Variants in SERBP1 observed in about 807,000 individuals in gnomAD.
SERBP1 encodes the protein SERPINE1 mRNA-binding protein 1.
In SERBP1, 6 loss-of-function variants were observed where a neutral mutation model predicts 50.2. The ratio of observed to expected loss-of-function variants is 0.12; its 90% CI spans 0.07 to 0.24. The LOEUF (loss-of-function observed/expected upper bound fraction) is 0.24, where lower values mean the gene tolerates loss of function less well. Ranked by LOEUF, SERBP1 falls within the 10% of genes least tolerant of loss-of-function variation. The pLI, the probability that SERBP1 is intolerant of heterozygous loss-of-function variation, is 1.00. For missense variants in SERBP1, 346 were observed against 524.9 expected, an observed-to-expected ratio of 0.66 and a Z score of 3.33; for synonymous variants, 168 against 182.8, an observed-to-expected ratio of 0.92 and a Z score of 0.65.
chr1:67,416,593 T>C (rs1342533138), intron 6 of SERBP1, among the ~76,000 whole-genome samples: 1 of 152,226 alleles, frequency 6.6e-6, no homozygotes, highest in Non-Finnish European at 1.5e-5. Context: ...GTTCTTTCAT[T>C]AGAACTTGTA....
intron 6 of SERBP1, among the ~76,000 whole-genome samples, chr1:67,418,978 T>C (rs1667118643): frequency 6.6e-6 from 1 of 151,800 alleles, no homozygotes; most frequent in African/African-American, 2.4e-5. Flanking sequence ...CTTGTATGAG[T>C]TTTTAAAGCC....
At chr1:67,421,476 C>A (rs2100428320) in intron 5 of SERBP1, among the ~76,000 whole-genome samples, 1 of 152,302 alleles carries the variant, frequency 6.6e-6, no homozygotes, top group East Asian at 1.9e-4. Flanking sequence ...CTCCCCTAGT[C>A]TGGAATAAGA....
Position 67,413,118 on chromosome 1 carries a change from A to C in SERBP1, c.*89T>G. The C allele has an allele frequency of 7.2e-7, 1 of 1,381,748 alleles. No homozygotes were observed. Among genetic ancestry groups the C allele is most frequent in the East Asian group, 2.7e-5 (1 of 36,476 alleles). 85.6% of individuals were successfully genotyped at this position (1,381,748 alleles called of 1,614,324 possible). On this transcript the variant is annotated 3_prime_UTR_variant, in exon 8 of 8. Transcript: ENST00000361219. ...TATGAATGACAGTCTTTTTTTTTTT[A>C]ATTTCTTAGTCGTTTGGAATCCTTA...
Position 67,421,142 on chromosome 1 carries a change from A to C in SERBP1, c.774-956T>G, listed in dbSNP as rs556478666. Among the ~76,000 whole-genome samples, 367 of 152,226 alleles carry C rather than the reference A, an allele frequency of 2.4e-3. 1 individual carries two copies. The highest frequency in any genetic ancestry group is 7.2e-3 in the African/African-American group (301 of 41,522). ...GTTACATCTATGCTGCAAAAAAAAA[A>C]CAAAAAACTTCCTAGAGCAAGTTTA... is the stretch of plus-strand genomic sequence containing the variant. On this transcript the variant is annotated intron_variant, in intron 5 of 7. Transcript: ENST00000361219.
chr1:67,423,793 T>C (rs1215686295), intron 5 of SERBP1, among the ~76,000 whole-genome samples: 1 of 152,196 alleles, frequency 6.6e-6, no homozygotes, highest in African/African-American at 2.4e-5. Flanking sequence ...ATTTGTACAG[T>C]TGTATGACAA....
chr1:67,416,404 A>G (rs1206585457), intron 6 of SERBP1, among the ~76,000 whole-genome samples: 2 of 152,224 alleles, frequency 1.3e-5, no homozygotes, highest in Non-Finnish European at 2.9e-5. Flanking sequence ...GGGGGAAAAA[A>G]GCAAAAAGCC....
chr1:67,429,079 G>A (rs1210906161), intron 1 of SERBP1, among the ~76,000 whole-genome samples: 1 of 152,022 alleles, frequency 6.6e-6, no homozygotes, highest in African/African-American at 2.4e-5. Context: ...TTAACCGCCA[G>A]TGAAACTCTG....
intron 4 of SERBP1, 125 bp from the exon 5 acceptor site, chr1:67,424,402 G>A (rs1315961985): frequency 7.9e-7 from 1 of 1,262,088 alleles, no homozygotes; most frequent in Non-Finnish European, 1.1e-6. Context: ...AATACCATAA[G>A]CTCTCACATT....
At chr1:67,413,901 G>A (rs1183538856) in intron 7 of SERBP1, among the ~76,000 whole-genome samples, 1 of 151,944 alleles carries the variant, frequency 6.6e-6, no homozygotes, top group Non-Finnish European at 1.5e-5. Flanking sequence ...CCACCTCCTG[G>A]GTTCAGGTGA....
chr1:67,417,193 CA>C (rs1667039515), intron 6 of SERBP1: 1 of 152,022 alleles, frequency 6.6e-6, no homozygotes, highest in Non-Finnish European at 1.5e-5. Context: ...GACCTTGTCT[CA>C]AAATAAAGTG....
intron 1 of SERBP1, among the ~76,000 whole-genome samples, chr1:67,427,511 G>A (rs1424376356): frequency 6.6e-6 from 1 of 152,178 alleles, no homozygotes; most frequent in African/African-American, 2.4e-5. Context: ...CTGTTAACTG[G>A]AGCCAAACAG....
rs1208324178 is a variant in SERBP1 at position 67,408,821 on chromosome 1, AAAT to A, written c.*4383_*4385del. 1 of 152,168 alleles carries A rather than the reference AAAT, an allele frequency of 6.6e-6. No individual in the cohort carries two copies. The highest frequency in any genetic ancestry group is 1.5e-5 in the Non-Finnish European group (1 of 68,042). 9.4% of individuals were successfully genotyped at this position (152,168 alleles called of 1,614,324 possible). The stretch of plus-strand genomic sequence containing the variant: ...TTATGTTGCAGGCTACCTATCTAAA[AAAT>A]AATAAAACATGTTTTACTAACAAGT... On this transcript the variant is annotated 3_prime_UTR_variant, in exon 8 of 8. Transcript: ENST00000361219.
chr1:67,426,604 G>A (rs1188685754), intron 1 of SERBP1, among the ~76,000 whole-genome samples: 2 of 151,866 alleles, frequency 1.3e-5, no homozygotes, highest in Non-Finnish European at 2.9e-5. Context: ...AAATCATTTG[G>A]GCAACCATTA....
In SERBP1 at chr1:67,430,318, G is replaced by A. The variant is rs774052685; in HGVS notation, c.-18C>T. ...CCAGGCATGATGGTGGCTCGGCGGC[G>A]CGTTCCTCCACGGATTGCAGCGGGC... On this transcript the variant is annotated 5_prime_UTR_variant, in exon 1 of 8. Coordinates refer to ENST00000361219, the MANE Select transcript of SERBP1 (RefSeq NM_001018069.2). 1 of 1,486,714 alleles carries A rather than the reference G, an allele frequency of 6.7e-7. No homozygotes were observed. Among genetic ancestry groups the A allele is most frequent in the Non-Finnish European group, 8.9e-7 (1 of 1,119,464 alleles). The allele number at this position is 1,486,714 out of a possible 1,614,324, so 92.1% of individuals were successfully genotyped here.
chr1:67,430,320 G>C lies in SERBP1; in HGVS notation c.-20C>G. The C allele has an allele frequency of 7.4e-6, 11 of 1,490,600 alleles. No homozygotes were observed. In the South Asian group the frequency reaches 1.5e-4, roughly 20 times the overall value. The allele number at this position is 1,490,600 out of a possible 1,614,324, so 92.3% of individuals were successfully genotyped here. On this transcript the variant is annotated 5_prime_UTR_variant, in exon 1 of 8. Coordinates refer to ENST00000361219, the MANE Select transcript of SERBP1 (RefSeq NM_001018069.2). Reference sequence around the variant, plus strand: ...AGGCATGATGGTGGCTCGGCGGCGCGTTCCTCCACGGATTGCAGCGGGCCG... The same window carrying C: ...AGGCATGATGGTGGCTCGGCGGCGCCTTCCTCCACGGATTGCAGCGGGCCG...
chr1:67,422,869 G>A (rs1667244727), intron 5 of SERBP1, among the ~76,000 whole-genome samples: 1 of 152,162 alleles, frequency 6.6e-6, no homozygotes, highest in African/African-American at 2.4e-5. Context: ...GGTGAGGCAG[G>A]AGAATCGTTT....
chr1:67,421,654 G>T (rs1667201070), intron 5 of SERBP1, among the ~76,000 whole-genome samples: 1 of 152,120 alleles, frequency 6.6e-6, no homozygotes, highest in African/African-American at 2.4e-5. Context: ...TTGAACATGG[G>T]CTCTATTAAA....
intron 4 of SERBP1, 162 bp from the exon 5 acceptor site, chr1:67,424,439 C>G: frequency 1.1e-6 from 1 of 891,212 alleles, no homozygotes. Flanking sequence ...ACTAAATATA[C>G]TCCCCAGAAG....
In SERBP1 at chr1:67,409,792, T is replaced by C. The variant is rs1666768924; in HGVS notation, c.*3415A>G. ...CTTACTATTAACTCAACCTGACAAT[T>C]ATCTTGCAAATGATATTGATAAATC... On this transcript the variant is annotated 3_prime_UTR_variant, in exon 8 of 8. Transcript: ENST00000361219. 6.6e-6 allele frequency: 1 copy of C among 152,166 alleles called. No homozygotes were observed. Among genetic ancestry groups the C allele is most frequent in the Non-Finnish European group, 1.5e-5 (1 of 68,048 alleles). The allele number at this position is 152,166 out of a possible 1,614,324, so 9.4% of individuals were successfully genotyped here.
Sources: gnomAD v4.1 joint callset for allele counts (sites outside exome capture counted in the v4.1 genomes callset) on GRCh38, gnomAD v4.1.1 for gene constraint, MANE v1.5 for transcripts, NCBI Gene and HGNC (gene_info 2026-07-23, HGNC 2026-07-21) for gene names.